The following KDM4C variants were observed in gnomAD, a reference collection of about 807,000 sequenced individuals.
KDM4C encodes the protein lysine-specific demethylase 4C.
KDM4C carries 81 observed loss-of-function variants against 129.3 expected under a neutral mutation model. The observed-to-expected ratio is 0.63, with a 90% CI of 0.52 to 0.75. KDM4C has a LOEUF of 0.75. Among genes scored for constraint, KDM4C ranks in the 30% least tolerant of loss-of-function variants. The pLI is 0.00. For synonymous variants in KDM4C, 573 were observed against 456.1 expected (o/e 1.26, Z -3.26); for missense variants, 1,457 against 1,304.0 (o/e 1.12, Z -1.81).
At chr9:7,152,471 G>A (rs183584507) in intron 19 of KDM4C, among the ~76,000 whole-genome samples, 213 of 152,280 alleles carry the variant, frequency 1.4e-3, no homozygotes, top group Non-Finnish European at 2.1e-3. Context: ...GTAGGATTTC[G>A]CTTACATGAG....
intron 5 of KDM4C, among the ~76,000 whole-genome samples, chr9:6,857,425 GGTA>G (rs1332175202): frequency 6.6e-6 from 1 of 152,172 alleles, no homozygotes; most frequent in African/African-American, 2.4e-5. Context: ...AGTGCTAACT[GGTA>G]GTAAAATATT....
At chr9:7,045,923 T>C (rs1292319438) in intron 15 of KDM4C, among the ~76,000 whole-genome samples, 1 of 152,046 alleles carries the variant, frequency 6.6e-6, no homozygotes, top group East Asian at 1.9e-4. Flanking sequence ...TAGGAAAAAT[T>C]GTCAAAATTT....
chr9:6,744,831 T>C (rs918170111), intron 1 of KDM4C, among the ~76,000 whole-genome samples: 4 of 146,708 alleles, frequency 2.7e-5, no homozygotes, highest in African/African-American at 1.0e-4. Flanking sequence ...GGAGAAGGAC[T>C]GCAGAAGGCA....
intron 8 of KDM4C, among the ~76,000 whole-genome samples, chr9:6,944,459 C>T (rs371062933): frequency 6.6e-6 from 1 of 152,160 alleles, no homozygotes; most frequent in African/African-American, 2.4e-5. Flanking sequence ...TAGATTTTGG[C>T]TCACATCTTT....
chr9:7,090,891 A>G (rs1462521611), intron 17 of KDM4C, among the ~76,000 whole-genome samples: 1 of 152,240 alleles, frequency 6.6e-6, no homozygotes, highest in Admixed American at 6.5e-5. Context: ...ATATGTGACT[A>G]CTGAGAACTG....
chr9:7,044,612 G>T (rs991311257), intron 15 of KDM4C, among the ~76,000 whole-genome samples: 1 of 151,876 alleles, frequency 6.6e-6, no homozygotes, highest in Non-Finnish European at 1.5e-5. Flanking sequence ...TGGATGGTAG[G>T]CACCAATGAT....
intron 17 of KDM4C, among the ~76,000 whole-genome samples, chr9:7,088,696 C>T (rs1587564121): frequency 6.6e-6 from 1 of 152,080 alleles, no homozygotes; most frequent in African/African-American, 2.4e-5. Flanking sequence ...AGAGATTTGT[C>T]GCCATTTCCT....
chr9:7,067,130 G>A (rs1832532120), intron 17 of KDM4C, among the ~76,000 whole-genome samples: 1 of 152,164 alleles, frequency 6.6e-6, no homozygotes, highest in African/African-American at 2.4e-5. Context: ...TGCATTTTCA[G>A]GCTTCTCAAT....
rs142745604 is a variant in KDM4C, at chr9:7,009,643, G to A, written c.1787-2055G>A. ...TACTCTCTACTACTTTCGTATCACC[G>A]TTACAAATCTCAAATGGTTAATAGT... On this transcript the variant is annotated intron_variant, in intron 12 of 21. Coordinates refer to ENST00000381309, the MANE Select transcript of KDM4C (RefSeq NM_015061.6). Among the ~76,000 whole-genome samples, 871 of 152,162 alleles carry A rather than the reference G, an allele frequency of 5.7e-3. 14 individuals are homozygous for A. The highest frequency in any genetic ancestry group is 0.019 in the African/African-American group (785 of 41,498).
At chr9:6,822,049 T>C (rs931733145) in intron 4 of KDM4C, among the ~76,000 whole-genome samples, 1 of 152,220 alleles carries the variant, frequency 6.6e-6, no homozygotes, top group East Asian at 1.9e-4. Context: ...TTAAGCAAGT[T>C]ATTATTTTTA....
chr9:7,016,789 G>A (rs116233209), intron 15 of KDM4C, among the ~76,000 whole-genome samples: 2,431 of 152,130 alleles, frequency 0.016, 63 homozygotes, highest in African/African-American at 0.056. Context: ...AATTTATCGT[G>A]TCCACATTTA....
chr9:7,066,654 G>A (rs943902219), intron 17 of KDM4C, among the ~76,000 whole-genome samples: 3 of 152,152 alleles, frequency 2.0e-5, no homozygotes, highest in African/African-American at 7.2e-5. Flanking sequence ...AGAGCTCAGA[G>A]GAAAATGAAA....
chr9:6,993,881 G>T (rs1819209079), intron 12 of KDM4C, among the ~76,000 whole-genome samples: 1 of 152,206 alleles, frequency 6.6e-6, no homozygotes, highest in African/African-American at 2.4e-5. Flanking sequence ...TTTGAAACCA[G>T]TTGTCATTCA....
chr9:6,734,849 CA>C (rs1817470962), intron 1 of KDM4C: 2 of 515,192 alleles, frequency 3.9e-6, no homozygotes, highest in Non-Finnish European at 7.7e-6. Context: ...AATGTTCTTA[CA>C]CAAATGTTTT....
intron 18 of KDM4C, among the ~76,000 whole-genome samples, chr9:7,105,170 G>T (rs1167992321): frequency 1.3e-5 from 2 of 152,218 alleles, no homozygotes; most frequent in African/African-American, 4.8e-5. Context: ...TTACATGACT[G>T]TGGTGCCTTG....
intron 1 of KDM4C, among the ~76,000 whole-genome samples, chr9:6,741,252 C>G (rs1320597119): frequency 1.3e-5 from 2 of 151,506 alleles, no homozygotes; most frequent in African/African-American, 4.8e-5. Context: ...AAAAATTAGC[C>G]AAGGTGGTGG....
chr9:7,045,962 G>A (rs537253356), intron 15 of KDM4C, among the ~76,000 whole-genome samples: 1 of 151,974 alleles, frequency 6.6e-6, no homozygotes, highest in Non-Finnish European at 1.5e-5. Context: ...AGTGGACAGG[G>A]TAAAGAGGTT....
At chr9:6,878,474 A>C (rs1163692163) in intron 5 of KDM4C, among the ~76,000 whole-genome samples, 1 of 152,174 alleles carries the variant, frequency 6.6e-6, no homozygotes, top group Non-Finnish European at 1.5e-5. Context: ...CCTACCTAGG[A>C]GGAGAGGAAT....
intron 5 of KDM4C, among the ~76,000 whole-genome samples, chr9:6,877,039 G>C (rs763421911): frequency 6.6e-6 from 1 of 152,164 alleles, no homozygotes; most frequent in African/African-American, 2.4e-5. Flanking sequence ...GTCAGAATCA[G>C]CTAGGGAGCT....
Sources: allele counts gnomAD v4.1 joint callset (sites outside exome capture counted in the v4.1 genomes callset), GRCh38; gene constraint gnomAD v4.1.1; transcripts MANE v1.5; gene names NCBI Gene and HGNC (gene_info 2026-07-23, HGNC 2026-07-21).